Variants in KIR3DL1 observed in about 807,000 individuals in gnomAD.
KIR3DL1 encodes the protein killer cell immunoglobulin like receptor, three Ig domains and long cytoplasmic tail 1.
In KIR3DL1, 50 loss-of-function variants were observed where a neutral mutation model predicts 40.3. That is an observed-to-expected ratio of 1.24 (90% CI 0.99 to 1.57). The LOEUF (loss-of-function observed/expected upper bound fraction) is 1.57, where lower values mean the gene tolerates loss of function less well. KIR3DL1 is among the 40% of genes most tolerant of loss of function. The pLI, the probability that KIR3DL1 is intolerant of heterozygous loss-of-function variation, is 0.00. For missense variants in KIR3DL1, 661 were observed against 559.9 expected (o/e 1.18, Z -1.82); for synonymous variants, 257 against 207.2 (o/e 1.24, Z -2.07).
chr19:54,818,979 G>A (rs2061496983), intron 3 of KIR3DL1, among the ~76,000 whole-genome samples: 1 of 150,702 alleles, frequency 6.6e-6, no homozygotes. Context: ...TAGTGGGAGG[G>A]AGACGCTATC....
chr19:54,821,797 T>C (rs1189582367), exon 5 of KIR3DL1: 4 of 1,605,622 alleles, frequency 2.5e-6, no homozygotes, highest in African/African-American at 1.3e-5. Flanking sequence ...GCTTCGGCTC[T>C]TTCCGTCACT....
At chr19:54,827,302 G>C (rs190475332) in intron 6 of KIR3DL1, among the ~76,000 whole-genome samples, 1 of 131,594 alleles carries the variant, frequency 7.6e-6, no homozygotes, top group Non-Finnish European at 1.7e-5. Context: ...TTATAGCATA[G>C]TATACAAGTC....
At chr19:54,818,903 G>T (rs543744110) in intron 3 of KIR3DL1, among the ~76,000 whole-genome samples, 2 of 150,676 alleles carry the variant, frequency 1.3e-5, no homozygotes, top group African/African-American at 2.5e-5. Flanking sequence ...GTCCCACTGG[G>T]CTCAGTGTAA....
chr19:54,821,837 C>G, exon 5 of KIR3DL1: 1 of 1,602,238 alleles, frequency 6.2e-7, no homozygotes, highest in Non-Finnish European at 8.5e-7. Context: ...CCCGAGTGAC[C>G]CACTGCTTGT....
At chr19:54,822,357 G>T in intron 5 of KIR3DL1, among the ~76,000 whole-genome samples, 1 of 151,250 alleles carries the variant, frequency 6.6e-6, no homozygotes, top group African/African-American at 2.4e-5. Flanking sequence ...GGGTGTGGTG[G>T]TTCACGGTTG....
intron 3 of KIR3DL1, among the ~76,000 whole-genome samples, chr19:54,819,283 C>T (rs1485518000): frequency 9.0e-6 from 1 of 111,432 alleles, no homozygotes; most frequent in Non-Finnish European, 2.1e-5. Context: ...ACAAGGATAG[C>T]CAGATGTGGT....
At chr19:54,827,496 CA>C (rs1459374928) in intron 6 of KIR3DL1, among the ~76,000 whole-genome samples, 1 of 150,598 alleles carries the variant, frequency 6.6e-6, no homozygotes, top group African/African-American at 2.5e-5. Flanking sequence ...CCTGTAATCC[CA>C]GCTCCTGCTC....
chr19:54,825,960 G>A (rs1431893809), intron 6 of KIR3DL1, among the ~76,000 whole-genome samples: 1 of 151,096 alleles, frequency 6.6e-6, no homozygotes, highest in Non-Finnish European at 1.5e-5. Flanking sequence ...TGAAAACTTG[G>A]GGATTCTATT....
At chr19:54,828,692 C>A (rs1440607435) in intron 6 of KIR3DL1, among the ~76,000 whole-genome samples, 2 of 149,304 alleles carry the variant, frequency 1.3e-5, no homozygotes, top group Non-Finnish European at 3.0e-5. Context: ...CCAGGCTGTT[C>A]TGGGACAATC....
chr19:54,819,529 C>T (rs1396177680), intron 3 of KIR3DL1, among the ~76,000 whole-genome samples, 184 bp from the exon 4 acceptor site: 1 of 151,116 alleles, frequency 6.6e-6, no homozygotes, highest in African/African-American at 2.5e-5. Flanking sequence ...GACAGAGGGA[C>T]AGAGAAGAGG....
rs534983468 is a variant in KIR3DL1 at position 54,823,580 on chromosome 19, C to G, written c.950-1448C>G. Among the ~76,000 whole-genome samples, 86 of 151,502 alleles carry G rather than the reference C, an allele frequency of 5.7e-4. 1 individual carries two copies. Among genetic ancestry groups the G allele is most frequent in the Middle Eastern group, 3.4e-3 (1 of 294 alleles). ...GGGTGTGATCTCAGCTCACTGCAAC[C>G]TCCGCCTCCCGCGTTCAACTGATTC... On this transcript the variant is annotated intron_variant, in intron 5 of 8. Coordinates refer to ENST00000391728, the Ensembl canonical transcript of KIR3DL1.
At chr19:54,819,085 T>C (rs144822984) in intron 3 of KIR3DL1, among the ~76,000 whole-genome samples, 4,945 of 150,518 alleles carry the variant, frequency 0.033, 230 homozygotes, top group South Asian at 0.11. Context: ...GATTCGCTGA[T>C]TCTCCAGAGG....
intron 3 of KIR3DL1, among the ~76,000 whole-genome samples, 188 bp from the exon 4 acceptor site, chr19:54,819,525 G>A (rs2061523052): frequency 6.6e-6 from 1 of 151,326 alleles, no homozygotes; most frequent in South Asian, 2.1e-4. Flanking sequence ...TGGAGACAGA[G>A]GGACAGAGAA....
chr19:54,830,528 C>T, exon 9 of KIR3DL1: 3 of 513,472 alleles, frequency 5.8e-6, no homozygotes, highest in Non-Finnish European at 1.0e-5. Context: ...GACCCCTGCC[C>T]ACCTCTCCAA....
At chr19:54,827,880 C>A (rs958505785) in intron 6 of KIR3DL1, among the ~76,000 whole-genome samples, 1 of 150,016 alleles carries the variant, frequency 6.7e-6, no homozygotes, top group Non-Finnish European at 1.5e-5. Context: ...AAAACTTGCC[C>A]CCTCACCCAA....
At chr19:54,824,807 A>G (rs1408061087) in intron 5 of KIR3DL1, among the ~76,000 whole-genome samples, 1 of 149,754 alleles carries the variant, frequency 6.7e-6, no homozygotes, top group Non-Finnish European at 1.5e-5. Context: ...TCTGTAACAT[A>G]TTTCTAAGTC....
chr19:54,829,650 T>C lies in KIR3DL1; in HGVS notation c.1105+185T>C, dbSNP rs191587231. 7.9e-4 allele frequency among the ~76,000 whole-genome samples: 113 copies of C among 142,548 alleles called. 4 individuals carry two copies. Among genetic ancestry groups the C allele is most frequent in the African/African-American group, 2.6e-3 (103 of 39,880 alleles). The allele number at this position is 142,548 out of a possible 152,430, so 93.5% of individuals were successfully genotyped here. ...TGCCTTCAGCTCACAGACCGTTGCC[T>C]GATTCTGAACTGTATCCTCATGTCC... is the stretch of plus-strand genomic sequence containing the variant. On this transcript the variant is annotated intron_variant, in intron 7 of 8. Transcript: ENST00000391728.
At chr19:54,816,558 G>A (rs375357383) in intron 1 of KIR3DL1, 24 bp downstream of exon 1, 34 of 1,608,200 alleles carry the variant, frequency 2.1e-5, no homozygotes, top group Non-Finnish European at 2.7e-5. Context: ...GGGAATCGAG[G>A]GAGGGAGTGC....
intron 2 of KIR3DL1, 96 bp downstream of exon 2, chr19:54,817,665 T>G: frequency 3.0e-6 from 3 of 985,732 alleles, no homozygotes; most frequent in Non-Finnish European, 4.5e-6. Context: ...TCTCATACAC[T>G]AGGAAGAGGG....
Sources: allele counts gnomAD v4.1 joint callset (sites outside exome capture counted in the v4.1 genomes callset), GRCh38; gene constraint gnomAD v4.1.1; transcripts MANE v1.5; gene names NCBI Gene and HGNC (gene_info 2026-07-23, HGNC 2026-07-21).